Variants in GALNT10 observed in about 807,000 individuals in gnomAD.
GALNT10 encodes polypeptide N-acetylgalactosaminyltransferase 10, also known as GalNAc transferase 10.
A neutral mutation model predicts 75.0 loss-of-function variants in GALNT10; 41 were observed. The observed-to-expected ratio is 0.55, with a 90% CI of 0.43 to 0.71. GALNT10 has a LOEUF of 0.71. Ranked by LOEUF, GALNT10 falls within the 30% of genes least tolerant of loss-of-function variation. The pLI, the probability that GALNT10 is intolerant of heterozygous loss-of-function variation, is 0.00. For synonymous variants in GALNT10, 302 were observed against 313.0 expected (o/e 0.96, Z 0.37); for missense variants, 727 against 818.5 (o/e 0.89, Z 1.36).
At chr5:154,390,831 T>C (rs1454019523) in intron 7 of GALNT10, among the ~76,000 whole-genome samples, 1 of 152,260 alleles carries the variant, frequency 6.6e-6, no homozygotes, top group East Asian at 1.9e-4. Flanking sequence ...CAGGCAATTA[T>C]GGCAGAACAA....
chr5:154,385,299 C>T (rs1280906899), intron 6 of GALNT10, among the ~76,000 whole-genome samples: 3 of 152,210 alleles, frequency 2.0e-5, no homozygotes, highest in African/African-American at 7.2e-5. Context: ...TGACAGTCAG[C>T]AGCATGACGT....
At chr5:154,407,758 G>C (rs1417336439) in intron 8 of GALNT10, among the ~76,000 whole-genome samples, 1 of 152,212 alleles carries the variant, frequency 6.6e-6, no homozygotes, top group African/African-American at 2.4e-5. Context: ...AGCCTTTTCT[G>C]TGCAGGGGCC....
chr5:154,305,562 A>G (rs940344620), intron 3 of GALNT10, among the ~76,000 whole-genome samples: 1 of 152,266 alleles, frequency 6.6e-6, no homozygotes, highest in Admixed American at 6.5e-5. Context: ...TGCAGAGGCA[A>G]TATTAATATC....
intron 5 of GALNT10, among the ~76,000 whole-genome samples, chr5:154,379,574 C>T (rs115512252): frequency 0.018 from 2,777 of 152,320 alleles, 52 homozygotes; most frequent in Non-Finnish European, 0.026. Flanking sequence ...GACCCAGTAG[C>T]TCACTGTTAC....
At chr5:154,264,370 G>A (rs1046236234) in intron 1 of GALNT10, among the ~76,000 whole-genome samples, 4 of 151,420 alleles carry the variant, frequency 2.6e-5, no homozygotes, top group Admixed American at 2.6e-4. Context: ...TATGGAGTAT[G>A]TATTAGATAA....
intron 1 of GALNT10, among the ~76,000 whole-genome samples, chr5:154,201,880 G>C (rs1775032977): frequency 6.6e-6 from 1 of 151,756 alleles, no homozygotes; most frequent in African/African-American, 2.4e-5. Flanking sequence ...AGTGAGCTGA[G>C]ATCGCACCAC....
rs146348235 is a variant in GALNT10 at position 154,300,661 on chromosome 5, G to T, written c.401+2582G>T. On this transcript the variant is annotated intron_variant, in intron 3 of 11. Transcript: ENST00000297107. ...CTTCTATGTGCCAAGCCCTGTGCTTGACACTAGGATCACAAGGATAAATGA... is the reference window on the plus strand; with the variant it reads ...CTTCTATGTGCCAAGCCCTGTGCTTTACACTAGGATCACAAGGATAAATGA... Among the ~76,000 whole-genome samples the T allele has an allele frequency of 6.6e-5, 10 of 152,306 alleles. No individual in the cohort carries two copies. In the East Asian group the frequency reaches 1.9e-3, roughly 29 times the overall value.
chr5:154,318,133 T>G (rs7732800), intron 3 of GALNT10, among the ~76,000 whole-genome samples: 109,388 of 152,184 alleles, frequency 0.72, 39,907 homozygotes, highest in Admixed American at 0.83. Context: ...AGGCAAGGAA[T>G]GAGTCAGCTC....
chr5:154,378,766 C>G (rs1385007123), intron 5 of GALNT10, among the ~76,000 whole-genome samples: 2 of 152,312 alleles, frequency 1.3e-5, no homozygotes, highest in Admixed American at 1.3e-4. Flanking sequence ...CCCAGGTGGG[C>G]ACAGTGCCTT....
chr5:154,293,375 G>A (rs1385450042), intron 1 of GALNT10, among the ~76,000 whole-genome samples: 2 of 152,186 alleles, frequency 1.3e-5, no homozygotes, highest in African/African-American at 2.4e-5. Flanking sequence ...GCTGTGTGGT[G>A]CAGCATTACC....
intron 1 of GALNT10, among the ~76,000 whole-genome samples, chr5:154,208,537 A>G (rs1775144767): frequency 6.6e-6 from 1 of 152,156 alleles, no homozygotes. Flanking sequence ...CTACTTCACA[A>G]GTTAGTTATC....
In GALNT10 at chr5:154,329,679, A is replaced by T. The variant is rs143021082; in HGVS notation, c.509A>T (p.Asn170Ile). ...CTCCGCACCGTCCACAGTGTGCTCA[A>T]TCGCTCGCCTCCAGAGCTGGTCGCC... ...SLLRTVHSVLNRSPPELVAEI... is the reference protein window; with the variant it reads ...SLLRTVHSVLIRSPPELVAEI... Residue 170 changes from asparagine to isoleucine, a missense_variant, in exon 4 of 12, where the codon AAT becomes ATT. Physicochemically the swap from Asn to Ile is moderately radical, Grantham distance 149. Transcript: ENST00000297107. 1 of 1,613,576 alleles carries T rather than the reference A, an allele frequency of 6.2e-7. No individual in the cohort carries two copies. Among genetic ancestry groups the T allele is most frequent in the Non-Finnish European group, 8.5e-7 (1 of 1,179,548 alleles).
chr5:154,283,888 C>T (rs916618908), intron 1 of GALNT10, among the ~76,000 whole-genome samples: 5 of 152,170 alleles, frequency 3.3e-5, no homozygotes, highest in African/African-American at 1.2e-4. Flanking sequence ...CAGATGGGTC[C>T]TGTCCCCTGA....
At chr5:154,289,641 A>G (rs1450276689) in intron 1 of GALNT10, among the ~76,000 whole-genome samples, 1 of 152,182 alleles carries the variant, frequency 6.6e-6, no homozygotes, top group Non-Finnish European at 1.5e-5. Context: ...CTAGATTTAG[A>G]CCAAAGGTCT....
chr5:154,298,142 T>A lies in GALNT10; in HGVS notation c.401+63T>A. 6.7e-7 allele frequency: 1 copy of A among 1,482,782 alleles called. No homozygotes were observed. Among genetic ancestry groups the A allele is most frequent in the South Asian group, 1.2e-5 (1 of 83,918 alleles). The allele number at this position is 1,482,782 out of a possible 1,614,324, so 91.9% of individuals were successfully genotyped here. A position where few individuals can be genotyped will look rare whatever the true frequency, so the allele number is the denominator to read the frequency against. On this transcript the variant is annotated intron_variant, in intron 3 of 11. Coordinates refer to ENST00000297107, the MANE Select transcript of GALNT10 (RefSeq NM_198321.4). This position sits in a 1 kb window ranked among gnomAD's most constrained non-coding sequence, Gnocchi z 4.1. ...TGTTTCCCTGGCTGTTGTTGAGAAT[T>A]AATTAAGGAAGCAGGTACATGGAGC...
At chr5:154,269,474 C>A (rs2113034430) in intron 1 of GALNT10, among the ~76,000 whole-genome samples, 1 of 152,298 alleles carries the variant, frequency 6.6e-6, no homozygotes. Context: ...GTGCTTCCTC[C>A]TTCATGTGGT....
chr5:154,230,995 C>T (rs115393204), intron 1 of GALNT10, among the ~76,000 whole-genome samples: 1,861 of 152,338 alleles, frequency 0.012, 18 homozygotes, highest in Middle Eastern at 0.041. Flanking sequence ...CAAGGCGGGT[C>T]CCTGCAGCTT....
chr5:154,320,917 C>G (rs923095345), intron 3 of GALNT10, among the ~76,000 whole-genome samples: 8 of 152,192 alleles, frequency 5.3e-5, no homozygotes, highest in African/African-American at 1.9e-4. Context: ...ACGGTTAAGT[C>G]AGGGCAAGGA....
chr5:154,414,133 T>G (rs1023082471), intron 10 of GALNT10, among the ~76,000 whole-genome samples: 7 of 152,190 alleles, frequency 4.6e-5, no homozygotes, highest in Non-Finnish European at 1.0e-4. Flanking sequence ...CACTGAAGAT[T>G]GGCAAAGATG....
Sources: gnomAD v4.1 joint callset for allele counts (sites outside exome capture counted in the v4.1 genomes callset) on GRCh38, gnomAD v4.1.1 for gene constraint, Gnocchi (gnomAD v3.1) non-coding constraint, MANE v1.5 for transcripts, NCBI Gene and HGNC (gene_info 2026-07-23, HGNC 2026-07-21) for gene names.